Variants in CYSTM1 observed in about 807,000 individuals in gnomAD.
CYSTM1 encodes cysteine rich transmembrane module containing 1.
CYSTM1 carries 4 observed loss-of-function variants against 13.1 expected under a neutral mutation model. The observed-to-expected ratio is 0.31, with a 90% CI of 0.15 to 0.70. The LOEUF (loss-of-function observed/expected upper bound fraction) is 0.70. Ranked by LOEUF, CYSTM1 falls within the 30% of genes least tolerant of loss-of-function variation. The pLI is 0.72. For missense variants in CYSTM1, 96 were observed against 121.6 expected (o/e 0.79, Z 0.99); for synonymous variants, 36 against 42.7 (o/e 0.84, Z 0.62).
At chr5:140,228,109 A>T (rs767117730) in intron 2 of CYSTM1, among the ~76,000 whole-genome samples, 1 of 152,132 alleles carries the variant, frequency 6.6e-6, no homozygotes, top group Non-Finnish European at 1.5e-5. Flanking sequence ...CATTAAGGCT[A>T]GTTTGGGGTT....
intron 2 of CYSTM1, among the ~76,000 whole-genome samples, chr5:140,242,491 T>G (rs1413197449): frequency 6.6e-6 from 1 of 152,184 alleles, no homozygotes; most frequent in African/African-American, 2.4e-5. Context: ...TGACAGTGGT[T>G]GTTTTGAGAT....
intron 2 of CYSTM1, chr5:140,202,748 AAG>A (rs938787791): frequency 1.3e-5 from 2 of 152,210 alleles, no homozygotes; most frequent in Non-Finnish European, 2.9e-5. Context: ...AGAAGGGAGA[AAG>A]GGGTGGGAGC....
At chr5:140,195,075 A>G (rs1764138765) in intron 2 of CYSTM1, among the ~76,000 whole-genome samples, 1 of 151,748 alleles carries the variant, frequency 6.6e-6, no homozygotes. Flanking sequence ...TTTTTTTCTT[A>G]CTAAATGTTT....
chr5:140,243,167 A>G (rs1764771900), intron 2 of CYSTM1, 138 bp from the exon 3 acceptor site: 2 of 686,594 alleles, frequency 2.9e-6, no homozygotes, highest in South Asian at 1.6e-5. Context: ...AGCAGCAGCA[A>G]TGGCAGGAAC....
intron 1 of CYSTM1, among the ~76,000 whole-genome samples, chr5:140,181,758 G>T (rs1763964611): frequency 6.6e-6 from 1 of 152,160 alleles, no homozygotes; most frequent in Admixed American, 6.5e-5. Context: ...ACCTGCAAGA[G>T]CCACGGGGGC....
At chr5:140,222,136 G>C (rs1764499338) in intron 2 of CYSTM1, among the ~76,000 whole-genome samples, 1 of 152,156 alleles carries the variant, frequency 6.6e-6, no homozygotes, top group African/African-American at 2.4e-5. Flanking sequence ...TGGCTCTTAG[G>C]ACTTGAAACC....
chr5:140,185,489 T>C (rs1267423676), intron 1 of CYSTM1, among the ~76,000 whole-genome samples: 2 of 152,224 alleles, frequency 1.3e-5, no homozygotes, highest in Non-Finnish European at 2.9e-5. Flanking sequence ...CCAGAATCAG[T>C]ATTTGGACAA....
chr5:140,228,673 A>G (rs1764587683), intron 2 of CYSTM1: 1 of 398,568 alleles, frequency 2.5e-6, no homozygotes, highest in African/African-American at 2.1e-5. Flanking sequence ...CTGCCACTCC[A>G]AGTCCCCTCT....
At chr5:140,202,142 G>T (rs369171) in intron 2 of CYSTM1, 37,799 of 151,868 alleles carry the variant, frequency 0.25, 5,441 homozygotes, top group East Asian at 0.45. Context: ...CACTGTATTG[G>T]CCAGGCTGGT....
chr5:140,215,848 A>C (rs1308200732), intron 2 of CYSTM1, among the ~76,000 whole-genome samples: 1 of 152,178 alleles, frequency 6.6e-6, no homozygotes, highest in Non-Finnish European at 1.5e-5. Flanking sequence ...TAACTTTAAA[A>C]AGTCTGTATA....
intron 2 of CYSTM1, among the ~76,000 whole-genome samples, chr5:140,223,478 G>A (rs1764512879): frequency 6.6e-6 from 1 of 152,266 alleles, no homozygotes; most frequent in Admixed American, 6.5e-5. Flanking sequence ...AAACCAGGAA[G>A]AGGAGGGAAT....
intron 2 of CYSTM1, among the ~76,000 whole-genome samples, chr5:140,195,378 G>C (rs1764141158): frequency 6.6e-6 from 1 of 151,262 alleles, no homozygotes. Context: ...TAGATGTCTT[G>C]GTCACTATTT....
rs1295169435 is a variant in CYSTM1 at position 140,194,622 on chromosome 5, G to A, written c.157G>A (p.Gly53Ser). The A allele has an allele frequency of 6.2e-7, 1 of 1,613,086 alleles. No homozygotes were observed. Among genetic ancestry groups the A allele is most frequent in the Non-Finnish European group, 8.5e-7 (1 of 1,179,624 alleles). The change falls in exon 2 of 3, where the codon GGT becomes AGT. Residue 53 changes from glycine to serine, a missense_variant. Physicochemically the swap from Gly to Ser is moderately conservative, Grantham distance 56. Coordinates refer to ENST00000261811, the MANE Select transcript of CYSTM1 (RefSeq NM_032412.4). ...AGGATACCCACAGTACGGCTGGCAGGGTGGACCTCAGGAGCCTCCTAAAAC... is the reference window on the plus strand; with the variant it reads ...AGGATACCCACAGTACGGCTGGCAGAGTGGACCTCAGGAGCCTCCTAAAAC... ...YQGYPQYGWQ[G>S]GPQEPPKTTV... is the part of the protein sequence containing the mutation.
intron 2 of CYSTM1, chr5:140,228,970 A>G: frequency 1.3e-5 from 5 of 394,316 alleles, no homozygotes; most frequent in Non-Finnish European, 2.2e-5. Flanking sequence ...AGCACCTTTC[A>G]TAGGTGTGAA....
chr5:140,208,677 G>A (rs1764326982), intron 2 of CYSTM1, among the ~76,000 whole-genome samples: 1 of 152,092 alleles, frequency 6.6e-6, no homozygotes, highest in Non-Finnish European at 1.5e-5. Flanking sequence ...AACATCTCAT[G>A]TACCCCATAA....
Position 140,239,220 on chromosome 5 carries a change from A to G in CYSTM1, c.188-4085A>G, listed in dbSNP as rs1469185154. Among the ~76,000 whole-genome samples, 2 of 152,206 alleles carry G rather than the reference A, an allele frequency of 1.3e-5. No individual in the cohort carries two copies. The highest frequency in any genetic ancestry group is 2.4e-5 in the African/African-American group (1 of 41,462). ...CATGCAGATGAAGGTTTCAGATGCCAGAATGGGGCTGAGAATTGGAGCCTT... is the reference window on the plus strand; with the variant it reads ...CATGCAGATGAAGGTTTCAGATGCCGGAATGGGGCTGAGAATTGGAGCCTT... On this transcript the variant is annotated intron_variant, in intron 2 of 2. Coordinates refer to ENST00000261811, the MANE Select transcript of CYSTM1 (RefSeq NM_032412.4). The surrounding 1 kb of genome is among the most constrained non-coding windows in gnomAD (Gnocchi z 5.4).
intron 2 of CYSTM1, among the ~76,000 whole-genome samples, chr5:140,199,513 T>C (rs1005308113): frequency 2.0e-5 from 3 of 152,186 alleles, no homozygotes; most frequent in Non-Finnish European, 4.4e-5. Context: ...TTTTTTGAGA[T>C]GGAGTCTCAC....
chr5:140,218,763 C>G (rs764380602), intron 2 of CYSTM1, among the ~76,000 whole-genome samples: 1 of 152,168 alleles, frequency 6.6e-6, no homozygotes, highest in African/African-American at 2.4e-5. Context: ...GTGCTATATA[C>G]GGGGCTTTTG....
At chr5:140,194,072 C>A (rs1236513699) in intron 1 of CYSTM1, among the ~76,000 whole-genome samples, 1 of 152,174 alleles carries the variant, frequency 6.6e-6, no homozygotes, top group African/African-American at 2.4e-5. Flanking sequence ...GCTATCCAAT[C>A]ACATTTATGG....
Sources: gnomAD v4.1 joint callset for allele counts (sites outside exome capture counted in the v4.1 genomes callset) on GRCh38, gnomAD v4.1.1 for gene constraint, Gnocchi (gnomAD v3.1) non-coding constraint, MANE v1.5 for transcripts, NCBI Gene and HGNC (gene_info 2026-07-23, HGNC 2026-07-21) for gene names.